Variants in ZFR observed in about 807,000 individuals in gnomAD.
ZFR encodes the protein zinc finger RNA binding protein, also known as zinc finger RNA-binding protein.
In ZFR, 19 loss-of-function variants were observed where a neutral mutation model predicts 130.7. The observed-to-expected ratio is 0.15, with a 90% CI of 0.10 to 0.21. The LOEUF (loss-of-function observed/expected upper bound fraction) is 0.21. Among genes scored for constraint, ZFR ranks in the 10% least tolerant of loss-of-function variants. The probability of loss-of-function intolerance (pLI) is 1.00; values close to 1 mark genes in which losing one functional copy is unlikely to be tolerated. For synonymous variants in ZFR, 466 were observed against 456.9 expected (o/e 1.02, Z -0.25); for missense variants, 872 against 1,321.5 (o/e 0.66, Z 5.27).
At chr5:32,416,483 G>C (rs185268351) in intron 4 of ZFR, among the ~76,000 whole-genome samples, 1 of 151,978 alleles carries the variant, frequency 6.6e-6, no homozygotes, top group East Asian at 1.9e-4. Flanking sequence ...GCATGGTGGC[G>C]CATGCCTGTA....
chr5:32,414,509 T>G (rs1753777084), intron 5 of ZFR, among the ~76,000 whole-genome samples: 1 of 152,224 alleles, frequency 6.6e-6, no homozygotes, highest in African/African-American at 2.4e-5. Context: ...ATAACCACCA[T>G]CTTATGGATG....
At chr5:32,434,789 A>G (rs933831116) in intron 2 of ZFR, among the ~76,000 whole-genome samples, 6 of 152,076 alleles carry the variant, frequency 3.9e-5, no homozygotes, top group African/African-American at 1.4e-4. Flanking sequence ...AAGGCCTCTA[A>G]GAAATAAAAG....
intron 2 of ZFR, among the ~76,000 whole-genome samples, chr5:32,442,945 C>T (rs1754505322): frequency 1.4e-5 from 2 of 146,256 alleles, no homozygotes; most frequent in African/African-American, 5.1e-5. Flanking sequence ...GTGGCTCATG[C>T]CGGTAATCCT....
chr5:32,393,666 T>A (rs1753231867), intron 11 of ZFR, among the ~76,000 whole-genome samples: 1 of 152,122 alleles, frequency 6.6e-6, no homozygotes, highest in Admixed American at 6.6e-5. Flanking sequence ...ATACAGTAAG[T>A]CTTGACAGGT....
At chr5:32,395,522 C>A (rs1753283122) in intron 10 of ZFR, among the ~76,000 whole-genome samples, 1 of 152,092 alleles carries the variant, frequency 6.6e-6, no homozygotes, top group Admixed American at 6.5e-5. Flanking sequence ...TGCTGACCAA[C>A]AAAAAGTCAT....
intron 6 of ZFR, 150 bp downstream of exon 6, chr5:32,406,624 C>A: frequency 9.1e-7 from 1 of 1,094,646 alleles, no homozygotes; most frequent in Non-Finnish European, 1.2e-6. Context: ...CCTGAAAATT[C>A]TCATGCCACA....
intron 17 of ZFR, among the ~76,000 whole-genome samples, chr5:32,369,596 A>G (rs116695235): frequency 0.012 from 1,802 of 152,280 alleles, 13 homozygotes; most frequent in Non-Finnish European, 0.018. Context: ...CCTTGGATCC[A>G]GGAGTTTCAG....
At chr5:32,394,840 C>T (rs1753264932) in intron 11 of ZFR, among the ~76,000 whole-genome samples, 1 of 152,070 alleles carries the variant, frequency 6.6e-6, no homozygotes, top group Admixed American at 6.6e-5. Flanking sequence ...TCTTATACTT[C>T]TATCAGGAAA....
intron 11 of ZFR, among the ~76,000 whole-genome samples, chr5:32,393,083 T>C (rs1285208231): frequency 6.6e-6 from 1 of 152,224 alleles, no homozygotes; most frequent in Non-Finnish European, 1.5e-5. Flanking sequence ...AGAGGCAACA[T>C]GTGTTATTCA....
At chr5:32,438,021 G>C (rs1301107074) in intron 2 of ZFR, among the ~76,000 whole-genome samples, 7 of 152,030 alleles carry the variant, frequency 4.6e-5, no homozygotes, top group Non-Finnish European at 5.9e-5. Context: ...ATATATAGGA[G>C]ATAATAATTT....
chr5:32,369,825 T>C (rs771027086), intron 17 of ZFR, among the ~76,000 whole-genome samples: 32 of 151,890 alleles, frequency 2.1e-4, no homozygotes, highest in Middle Eastern at 3.2e-3. Flanking sequence ...AAAGATAACA[T>C]GAAACATTTT....
chr5:32,381,662 T>C (rs1752939848), intron 15 of ZFR, among the ~76,000 whole-genome samples: 3 of 152,158 alleles, frequency 2.0e-5, no homozygotes, highest in Non-Finnish European at 4.4e-5. Context: ...TTTGAGTAGA[T>C]GACATATAAA....
At chr5:32,416,010 G>A (rs1753819035) in intron 4 of ZFR, among the ~76,000 whole-genome samples, 1 of 151,658 alleles carries the variant, frequency 6.6e-6, no homozygotes, top group Non-Finnish European at 1.5e-5. Flanking sequence ...CTGTTGCCCA[G>A]GCTGAAGTAT....
chr5:32,434,794 TA>T (rs201169015), intron 2 of ZFR, among the ~76,000 whole-genome samples: 2 of 152,260 alleles, frequency 1.3e-5, no homozygotes, highest in East Asian at 1.9e-4. Flanking sequence ...CTCTAAGAAA[TA>T]AAAGTCATGG....
In ZFR at chr5:32,417,635, T is replaced by C; in HGVS notation, c.565+13A>G. 6.2e-7 allele frequency: 1 copy of C among 1,611,302 alleles called. No individual in the cohort carries two copies. The highest frequency in any genetic ancestry group is 1.1e-5 in the South Asian group (1 of 91,076). ...TAGTTTACAAAGAAACTCTGTAGGT[T>C]AAGAAAACCCACCTGTCTGATAGTA... On this transcript the variant is annotated intron_variant, in intron 4 of 19. Transcript: ENST00000265069.
intron 2 of ZFR, among the ~76,000 whole-genome samples, chr5:32,433,539 G>C (rs1754266775): frequency 6.6e-6 from 1 of 152,094 alleles, no homozygotes; most frequent in South Asian, 2.1e-4. Context: ...CACTTGCAGG[G>C]TCAAAATACA....
intron 17 of ZFR, among the ~76,000 whole-genome samples, chr5:32,376,462 T>TG (rs1561869326): frequency 6.7e-6 from 1 of 150,110 alleles, no homozygotes; most frequent in East Asian, 2.1e-4. Flanking sequence ...TTGGCCAATA[T>TG]GGTGAAACCC....
chr5:32,444,153 C>CG, intron 2 of ZFR, 76 bp downstream of exon 2: 11 of 1,502,854 alleles, frequency 7.3e-6, no homozygotes, highest in Non-Finnish European at 9.8e-6. Flanking sequence ...GGGACGGGCG[C>CG]GGGGGCGTCG....
At chr5:32,414,761 T>C (rs1753781922) in intron 5 of ZFR, among the ~76,000 whole-genome samples, 1 of 152,240 alleles carries the variant, frequency 6.6e-6, no homozygotes, top group Admixed American at 6.5e-5. Context: ...CAAGAACATA[T>C]TATATTCTTC....
Sources: gnomAD v4.1 joint callset for allele counts (sites outside exome capture counted in the v4.1 genomes callset) on GRCh38, gnomAD v4.1.1 for gene constraint, MANE v1.5 for transcripts, NCBI Gene and HGNC (gene_info 2026-07-23, HGNC 2026-07-21) for gene names.